Variants in FAHD1 observed in about 807,000 individuals in gnomAD.
The protein encoded by FAHD1 is oxaloacetate tautomerase FAHD1, mitochondrial.
Under a neutral mutation model 12.7 loss-of-function variants are expected in FAHD1, and 14 were observed. The observed-to-expected ratio is 1.10, with a 90% CI of 0.73 to 1.72. The LOEUF (loss-of-function observed/expected upper bound fraction) is 1.72. Ranked by LOEUF, FAHD1 falls within the 40% of genes most tolerant of loss-of-function variation. The pLI is 0.00. For synonymous variants in FAHD1, 153 were observed against 124.9 expected, an observed-to-expected ratio of 1.22 and a Z score of -1.50; for missense variants, 351 against 298.9, an observed-to-expected ratio of 1.17 and a Z score of -1.29.
At chr16:1,828,091 C>A in exon 1 of FAHD1, 3 of 1,178,804 alleles carry the variant, frequency 2.5e-6, no homozygotes, top group Non-Finnish European at 3.4e-6. Context: ...ACCATCTTGG[C>A]TAACAGGGTG....
exon 3 of FAHD1, chr16:1,839,548 T>G (rs1261819006): frequency 5.1e-6 from 5 of 985,506 alleles, no homozygotes; most frequent in South Asian, 5.1e-5. Flanking sequence ...GTGGAAAACT[T>G]ACTGAGTGTT....
downstream of FAHD1, among the ~76,000 whole-genome samples, chr16:1,832,271 C>T (rs1287949854): frequency 4.1e-5 from 6 of 147,080 alleles, no homozygotes; most frequent in Non-Finnish European, 7.5e-5. Context: ...CCCGGGTTCA[C>T]GCCATTCTCC....
chr16:1,827,763 G>A, exon 1 of FAHD1: 3 of 1,614,110 alleles, frequency 1.9e-6, no homozygotes, highest in Non-Finnish European at 1.7e-6. Flanking sequence ...ATGTTTCTAA[G>A]ATCATAACCT....
chr16:1,836,696 T>A (rs1202465350), intron 1 of FAHD1, among the ~76,000 whole-genome samples: 1 of 148,156 alleles, frequency 6.7e-6, no homozygotes, highest in Non-Finnish European at 1.5e-5. Flanking sequence ...GAGGCTGAGA[T>A]GGAGGAGATG....
intron 2 of FAHD1, among the ~76,000 whole-genome samples, chr16:1,838,354 C>T (rs2142075371): frequency 6.6e-6 from 1 of 152,260 alleles, no homozygotes; most frequent in Middle Eastern, 3.4e-3. Context: ...TAAGCAAAAT[C>T]TCCAAAGGTA....
downstream of FAHD1, among the ~76,000 whole-genome samples, chr16:1,832,650 G>A (rs1898645279): frequency 6.6e-6 from 1 of 152,096 alleles, no homozygotes; most frequent in African/African-American, 2.4e-5. Flanking sequence ...AACCGAGTAA[G>A]GTGGCTTCTC....
downstream of FAHD1, among the ~76,000 whole-genome samples, chr16:1,830,834 A>G (rs1372006410): frequency 6.6e-6 from 1 of 151,592 alleles, no homozygotes; most frequent in African/African-American, 2.4e-5. Context: ...AGCATTCACT[A>G]TGTTTGTCCT....
intron 1 of FAHD1, among the ~76,000 whole-genome samples, chr16:1,837,227 G>A (rs1175807260): frequency 6.6e-6 from 1 of 152,114 alleles, no homozygotes; most frequent in Non-Finnish European, 1.5e-5. Flanking sequence ...GGGTCTCACA[G>A]GCTGAGGTGT....
At chr16:1,835,297 C>T (rs1898712963) in intron 1 of FAHD1, among the ~76,000 whole-genome samples, 1 of 151,712 alleles carries the variant, frequency 6.6e-6, no homozygotes, top group Non-Finnish European at 1.5e-5. Context: ...TGAAAAAGGG[C>T]TTAATGTGTG....
chr16:1,838,077 G>C (rs781670886), exon 2 of FAHD1: 102 of 913,376 alleles, frequency 1.1e-4, no homozygotes, highest in Non-Finnish European at 1.5e-4. Flanking sequence ...GCTCACTGCA[G>C]CCTCGAACTC....
At chr16:1,830,947 CAT>C (rs1898612183), downstream of FAHD1, among the ~76,000 whole-genome samples, 1 of 151,904 alleles carries the variant, frequency 6.6e-6, no homozygotes, top group East Asian at 1.9e-4. Flanking sequence ...CACACACACC[CAT>C]ATTTTGGAAA....
chr16:1,839,982 T>G (rs1353357522), exon 3 of FAHD1: 1 of 152,348 alleles, frequency 6.6e-6, no homozygotes, highest in Non-Finnish European at 1.5e-5. Context: ...CAGATGCTAT[T>G]AACACTGCTG....
rs150059885 is a variant in FAHD1, at chr16:1,827,271, G to A, written c.33G>A (p.Trp11Ter). 1.3e-4 allele frequency: 212 copies of A among 1,612,600 alleles called. No individual in the cohort carries two copies. The African/African-American group carries it at 2.2e-3, about 17-fold the overall frequency. The change falls in exon 1 of 1, where the codon TGG (tryptophan) becomes TGA (stop). Residue 11 changes from tryptophan to a stop codon, truncating the protein, a stop_gained. Coordinates refer to ENST00000427358, the Ensembl canonical transcript of FAHD1. LOFTEE classifies it high-confidence loss of function. ...CATCCAGGCCATTGTCCCGCTTCTG[G>A]GAGTGGGGAAAGAACATCGTCTGCG...
chr16:1,832,752 A>C (rs1413003735), downstream of FAHD1, among the ~76,000 whole-genome samples: 1 of 146,782 alleles, frequency 6.8e-6, no homozygotes, highest in African/African-American at 2.5e-5. Context: ...CAACCACGAC[A>C]CCCTCACTTC....
At chr16:1,831,158 A>T (rs72762860), downstream of FAHD1, among the ~76,000 whole-genome samples, 27,077 of 152,178 alleles carry the variant, frequency 0.18, 2,574 homozygotes, top group South Asian at 0.27. Context: ...GGCCTTTTAT[A>T]AAAAAATGAG....
downstream of FAHD1, among the ~76,000 whole-genome samples, chr16:1,831,500 A>G (rs1278878677): frequency 1.3e-5 from 2 of 152,298 alleles, no homozygotes; most frequent in Admixed American, 6.5e-5. Context: ...TAGCTTCCTC[A>G]GGTAATTTTC....
At chr16:1,838,125 G>A (rs952510165) in exon 2 of FAHD1, 1 of 603,848 alleles carries the variant, frequency 1.7e-6, no homozygotes, top group African/African-American at 1.8e-5. Context: ...TCCCGTTTCT[G>A]AGGTTACAGG....
downstream of FAHD1, among the ~76,000 whole-genome samples, chr16:1,829,511 T>C (rs1229532240): frequency 6.6e-6 from 1 of 152,124 alleles, no homozygotes; most frequent in Non-Finnish European, 1.5e-5. Flanking sequence ...TTGACCACAA[T>C]GCAGGCTGCA....
chr16:1,834,941 C>T (rs1328344837), intron 1 of FAHD1, among the ~76,000 whole-genome samples: 1 of 83,170 alleles, frequency 1.2e-5, no homozygotes, highest in Non-Finnish European at 2.4e-5. Context: ...GTCCCCCCCA[C>T]CCCCCCCCAC....
Sources: gnomAD v4.1 joint callset for allele counts (sites outside exome capture counted in the v4.1 genomes callset) on GRCh38, gnomAD v4.1.1 for gene constraint, MANE v1.5 for transcripts, NCBI Gene and HGNC (gene_info 2026-07-23, HGNC 2026-07-21) for gene names.